TAMM41: variants seen among roughly 807,000 people sequenced by gnomAD.
TAMM41 encodes the protein phosphatidate cytidylyltransferase, mitochondrial.
TAMM41 carries 36 observed loss-of-function variants against 44.1 expected under a neutral mutation model. That is an observed-to-expected ratio of 0.82 (90% CI 0.63 to 1.08). TAMM41 has a LOEUF of 1.08. Among genes scored for constraint, TAMM41 ranks in the 50% least tolerant of loss-of-function variants. The pLI is 0.00. For synonymous variants in TAMM41, 164 were observed against 153.1 expected (o/e 1.07, Z -0.53); for missense variants, 417 against 404.3 (o/e 1.03, Z -0.27).
chr3:11,811,327 C>T (rs1177861161), intron 5 of TAMM41: 1 of 152,040 alleles, frequency 6.6e-6, no homozygotes, highest in Non-Finnish European at 1.5e-5. Flanking sequence ...TTAGAAATGA[C>T]ATTTATGGAC....
chr3:11,844,744 C>A lies in TAMM41; in HGVS notation c.136-533G>T, dbSNP rs114428060. On this transcript the variant is annotated intron_variant, in intron 1 of 7. Transcript: ENST00000455809. Reference sequence around the variant, plus strand: ...TAAAAGGAAGTCAGTTATTTTATCTCTTACCTATTCACCAACCACTTATTG... The same window carrying A: ...TAAAAGGAAGTCAGTTATTTTATCTATTACCTATTCACCAACCACTTATTG... 5.0e-3 allele frequency: 1,714 copies of A among 343,556 alleles called. 24 individuals are homozygous for A. Among genetic ancestry groups the A allele is most frequent in the African/African-American group, 0.033 (1,515 of 46,198 alleles). 21.3% of individuals were successfully genotyped at this position (343,556 alleles called of 1,614,324 possible).
the TAMM41 span, among the ~76,000 whole-genome samples, chr3:11,726,040 A>G: frequency 1.9e-4 from 29 of 152,168 alleles, no homozygotes; most frequent in Non-Finnish European, 3.4e-4. Context: ...TTGTCCTCCC[A>G]TGTCATACTT....
At chr3:11,727,639 A>AT in the TAMM41 span, among the ~76,000 whole-genome samples, 2 of 151,440 alleles carry the variant, frequency 1.3e-5, no homozygotes, top group African/African-American at 4.9e-5. Context: ...TAATTTTTGT[A>AT]TTTTTTTCTA....
chr3:11,784,950 C>A, the TAMM41 span, among the ~76,000 whole-genome samples: 201 of 151,862 alleles, frequency 1.3e-3, 2 homozygotes, highest in East Asian at 0.037. Flanking sequence ...CTACAGGTGC[C>A]CGCCACCACC....
chr3:11,820,025 C>G (rs984391445), intron 4 of TAMM41, among the ~76,000 whole-genome samples: 1 of 152,074 alleles, frequency 6.6e-6, no homozygotes, highest in Non-Finnish European at 1.5e-5. Context: ...TGATTTTACT[C>G]TATAATTTCC....
chr3:11,791,593 CAGTGCACTTTGGTGAGCATGCCG>C (rs909579199), intron 7 of TAMM41, among the ~76,000 whole-genome samples: 4 of 152,080 alleles, frequency 2.6e-5, no homozygotes, highest in African/African-American at 9.7e-5. Context: ...ACACCCCTGG[CAGTGCACTTTGGTGAGCATGCCG>C]ACAAGGTAAC....
the TAMM41 span, among the ~76,000 whole-genome samples, chr3:11,763,167 G>A: frequency 6.6e-6 from 1 of 152,156 alleles, no homozygotes; most frequent in Non-Finnish European, 1.5e-5. Flanking sequence ...TTGAGACAGG[G>A]TCTACCTGTC....
chr3:11,821,613 T>G (rs889053436), intron 4 of TAMM41, among the ~76,000 whole-genome samples: 5 of 152,200 alleles, frequency 3.3e-5, no homozygotes, highest in Non-Finnish European at 7.3e-5. Flanking sequence ...AGTTAAGGTA[T>G]TAGAGAATGC....
chr3:11,820,734 A>G (rs2078486568), intron 4 of TAMM41, among the ~76,000 whole-genome samples: 1 of 152,188 alleles, frequency 6.6e-6, no homozygotes, highest in Admixed American at 6.5e-5. Flanking sequence ...ACCTTGGGAG[A>G]TTTGTTTTCA....
intron 3 of TAMM41, among the ~76,000 whole-genome samples, chr3:11,831,894 C>T (rs56365946): frequency 6.6e-6 from 1 of 152,146 alleles, no homozygotes; most frequent in African/African-American, 2.4e-5. Context: ...CCTTACAATT[C>T]TGAGGACTTA....
chr3:11,809,668 T>C lies in TAMM41; in HGVS notation c.723A>G (p.Pro241=), dbSNP rs1037241790. Residue 241 remains proline, a synonymous_variant, in exon 6 of 8, where the codon CCA becomes CCG. Coordinates refer to ENST00000455809, the MANE Select transcript of TAMM41 (RefSeq NM_001284401.2). ...QQGWLEIDKS[P]EGQFTQLMTL... ...TCATCAGCTGAGTGAACTGTCCTTC[T>C]GGGCTTTTATCTATCTGAAGGGAGG... 4.3e-6 allele frequency: 7 copies of C among 1,612,210 alleles called. No homozygotes were observed. The highest frequency in any genetic ancestry group is 5.9e-6 in the Non-Finnish European group (7 of 1,179,688).
the TAMM41 span, among the ~76,000 whole-genome samples, chr3:11,740,913 G>A: frequency 6.8e-6 from 1 of 147,750 alleles, no homozygotes; most frequent in Non-Finnish European, 1.5e-5. Context: ...CAGTTTTGGA[G>A]GCTGAAGTCA....
In TAMM41 at chr3:11,839,331, A is replaced by G. The variant is rs760293785; in HGVS notation, c.319-17T>C. 7 of 1,509,832 alleles carry G rather than the reference A, an allele frequency of 4.6e-6. No homozygotes were observed. The East Asian group carries it at 1.4e-4, about 29-fold the overall frequency. 93.5% of individuals were successfully genotyped at this position (1,509,832 alleles called of 1,614,324 possible). A position where few individuals can be genotyped will look rare whatever the true frequency, so the allele number is the denominator to read the frequency against. ...TTTGATAAGCTGAAGGAAAAAAGAA[A>G]TGGCACAAAACGGAGTAAAATACCA... On this transcript the variant is annotated splice_polypyrimidine_tract_variant and intron_variant, in intron 2 of 7. Coordinates refer to ENST00000455809, the MANE Select transcript of TAMM41 (RefSeq NM_001284401.2).
chr3:11,805,379 C>T (rs1264472916), intron 7 of TAMM41, among the ~76,000 whole-genome samples: 1 of 152,116 alleles, frequency 6.6e-6, no homozygotes, highest in Non-Finnish European at 1.5e-5. Context: ...TCAAGTGATC[C>T]TCCTGCCTTG....
the TAMM41 span, among the ~76,000 whole-genome samples, chr3:11,733,840 G>A: frequency 6.6e-6 from 1 of 152,054 alleles, no homozygotes; most frequent in South Asian, 2.1e-4. Flanking sequence ...AGTCCAAACA[G>A]GTATTCTGGA....
chr3:11,771,258 G>A, the TAMM41 span: 2 of 152,258 alleles, frequency 1.3e-5, no homozygotes, highest in East Asian at 1.9e-4. Context: ...GAGTCACCCT[G>A]CGTTCCCTCT....
chr3:11,725,325 CTCCTTTTT>C, the TAMM41 span, among the ~76,000 whole-genome samples: 5 of 137,126 alleles, frequency 3.6e-5, no homozygotes, highest in Non-Finnish European at 7.5e-5. Flanking sequence ...TCTCCTCCTC[CTCCTTTTT>C]TTCTTCTCCT....
intron 7 of TAMM41, among the ~76,000 whole-genome samples, chr3:11,801,735 T>A (rs1410225234): frequency 6.6e-6 from 1 of 152,142 alleles, no homozygotes; most frequent in Non-Finnish European, 1.5e-5. Flanking sequence ...GCATTACATG[T>A]CTACATAAAA....
At chr3:11,765,661 A>C in the TAMM41 span, among the ~76,000 whole-genome samples, 2 of 151,700 alleles carry the variant, frequency 1.3e-5, no homozygotes, top group African/African-American at 2.4e-5. Flanking sequence ...AACATTTGTT[A>C]ATGATGTTAT....
Sources: gnomAD v4.1 joint callset for allele counts (sites outside exome capture counted in the v4.1 genomes callset) on GRCh38, gnomAD v4.1.1 for gene constraint, MANE v1.5 for transcripts, NCBI Gene and HGNC (gene_info 2026-07-23, HGNC 2026-07-21) for gene names.